The following XKR7 variants were observed in gnomAD, a reference collection of about 807,000 sequenced individuals.
The protein encoded by XKR7 is XK-related protein 7.
In XKR7, 11 loss-of-function variants were observed where a neutral mutation model predicts 42.2. That is an observed-to-expected ratio of 0.26 (90% CI 0.16 to 0.43). The LOEUF (loss-of-function observed/expected upper bound fraction) is 0.43, where lower values mean the gene tolerates loss of function less well. XKR7 is among the 20% of genes least tolerant of loss of function. The pLI is 1.00. For synonymous variants in XKR7, 346 were observed against 366.4 expected (o/e 0.94, Z 0.64); for missense variants, 710 against 802.2 (o/e 0.89, Z 1.39).
intron 1 of XKR7, among the ~76,000 whole-genome samples, chr20:31,988,325 C>T (rs1007504085): frequency 4.6e-5 from 7 of 152,090 alleles, no homozygotes; most frequent in Admixed American, 2.6e-4. Flanking sequence ...GGAAATTTCC[C>T]GTGAGGAGGG....
chr20:31,984,073 C>G (rs2064526128), intron 1 of XKR7, among the ~76,000 whole-genome samples: 3 of 151,960 alleles, frequency 2.0e-5, no homozygotes, highest in Admixed American at 2.0e-4. Flanking sequence ...ACCAGCCTGA[C>G]CAACATGGTG....
chr20:31,977,601 A>G (rs2122255525), intron 1 of XKR7, among the ~76,000 whole-genome samples: 1 of 152,296 alleles, frequency 6.6e-6, no homozygotes, highest in African/African-American at 2.4e-5. Flanking sequence ...TACAATGACT[A>G]TTATTATTGG....
At position 31,995,864 on chromosome 20, in the gene XKR7, C is replaced by T. The variant is rs118067126; in HGVS notation, c.787+594C>T. 1.1e-3 allele frequency among the ~76,000 whole-genome samples: 170 copies of T among 152,122 alleles called. 2 individuals carry two copies. The East Asian group carries it at 0.028, about 25-fold the overall frequency. On this transcript the variant is annotated intron_variant, in intron 2 of 2. Transcript: ENST00000562532. This position sits in a 1 kb window ranked among gnomAD's most constrained non-coding sequence, Gnocchi z 4.1. Reference sequence around the variant, plus strand: ...CAATATCAGAGAAAAACCGCATCCCCCTGTCTCCCTGAAGCACTCCGTGCT... The same window carrying T: ...CAATATCAGAGAAAAACCGCATCCCTCTGTCTCCCTGAAGCACTCCGTGCT...
chr20:31,991,844 G>A (rs575235225), intron 1 of XKR7, among the ~76,000 whole-genome samples: 3 of 152,198 alleles, frequency 2.0e-5, no homozygotes, highest in African/African-American at 4.8e-5. Context: ...CAGGCCAGGC[G>A]TGGTGGCCCA....
Position 31,997,004 on chromosome 20 carries a change from ATTC to A in XKR7, c.1291_1293del (p.Phe431del). The stretch of plus-strand genomic sequence containing the variant: ...TGGCCTCCAGCTTTGCGCTGGGCAT[ATTC>A]TTCATGTGTGTCTACTACTGTCTCC... On this transcript the variant is annotated inframe_deletion, in exon 3 of 3. Transcript: ENST00000562532. 1 of 1,614,048 alleles carries A rather than the reference ATTC, an allele frequency of 6.2e-7. No individual in the cohort carries two copies. The highest frequency in any genetic ancestry group is 8.5e-7 in the Non-Finnish European group (1 of 1,180,034).
Position 31,995,191 on chromosome 20 carries a change from C to A in XKR7, c.708C>A (p.Thr236=). Residue 236 remains threonine (T), a synonymous_variant, in exon 2 of 3, where the codon ACC becomes ACA. Transcript: ENST00000562532. This position sits in a 1 kb window ranked among gnomAD's most constrained non-coding sequence, Gnocchi z 4.1. ...ADVSMLRLLE[T]FLRSAPQLVL... is the part of the protein sequence containing the mutation. ...TGAGCATGCTGCGCTTGCTGGAGAC[C>A]TTCCTGCGCAGCGCGCCGCAGCTAG... 1 of 1,548,522 alleles carries A rather than the reference C, an allele frequency of 6.5e-7. No homozygotes were observed. The highest frequency in any genetic ancestry group is 8.7e-7 in the Non-Finnish European group (1 of 1,146,664).
chr20:31,996,888 G>C lies in XKR7; in HGVS notation c.1171G>C (p.Val391Leu), dbSNP rs780050226. 2 of 1,613,900 alleles carry C rather than the reference G, an allele frequency of 1.2e-6. No homozygotes were observed. Among genetic ancestry groups the C allele is most frequent in the Non-Finnish European group, 1.7e-6 (2 of 1,180,034 alleles). Reference sequence around the variant, plus strand: ...CCGCATGACCCTCTACCACTGCATCGTCCTGCTGGAGAACGCCGCGCTCAC... The same window carrying C: ...CCGCATGACCCTCTACCACTGCATCCTCCTGCTGGAGAACGCCGCGCTCAC... ...RRRMTLYHCI[V>L]LLENAALTGF... The change falls in exon 3 of 3, where the codon GTC becomes CTC. Residue 391 changes from valine to leucine, a missense_variant. Coordinates refer to ENST00000562532, the MANE Select transcript of XKR7 (RefSeq NM_001011718.2).
rs564657388 is a variant in XKR7 at position 31,997,807 on chromosome 20, G to C, written c.*350G>C. 1.4e-5 allele frequency: 4 copies of C among 288,274 alleles called. No individual in the cohort carries two copies. In the South Asian group the frequency reaches 2.2e-4, roughly 16 times the overall value. The allele number at this position is 288,274 out of a possible 1,614,324, so 17.9% of individuals were successfully genotyped here. ...CCCCTGCTGGACTTGCCAGAGAAAGGGCACTGTCTGGGGTCCATGACCTAG... is the reference window on the plus strand; with the variant it reads ...CCCCTGCTGGACTTGCCAGAGAAAGCGCACTGTCTGGGGTCCATGACCTAG... On this transcript the variant is annotated 3_prime_UTR_variant, in exon 3 of 3. Transcript: ENST00000562532.
intron 1 of XKR7, among the ~76,000 whole-genome samples, chr20:31,989,068 C>A (rs530209767): frequency 6.6e-6 from 1 of 152,048 alleles, no homozygotes; most frequent in Admixed American, 6.5e-5. Context: ...AATAAATAAA[C>A]GGTGATTTCA....
At chr20:31,996,096 C>T (rs1464490075) in intron 2 of XKR7, among the ~76,000 whole-genome samples, 2 of 151,846 alleles carry the variant, frequency 1.3e-5, no homozygotes, top group Non-Finnish European at 2.9e-5. Context: ...TGGCCCACGA[C>T]TTCTAATGGC....
At position 31,995,225 on chromosome 20, in the gene XKR7, C is replaced by T. The variant is rs1444647760; in HGVS notation, c.742C>T (p.Leu248Phe). The T allele has an allele frequency of 6.5e-7, 1 of 1,543,390 alleles. No individual in the cohort carries two copies. The highest frequency in any genetic ancestry group is 1.2e-5 in the South Asian group (1 of 83,862). Residue 248 changes from leucine (L) to phenylalanine (F), a missense_variant, in exon 2 of 3, where the codon CTC becomes TTC. By Grantham distance (22) the Leu-to-Phe change is conservative. This residue lies in a region of XKR7 where 708 missense variants were observed against 786.2 expected (regional missense o/e 0.90). Coordinates refer to ENST00000562532, the MANE Select transcript of XKR7 (RefSeq NM_001011718.2). This position sits in a 1 kb window ranked among gnomAD's most constrained non-coding sequence, Gnocchi z 4.1. Reference sequence around the variant, plus strand: ...CAGCGCGCCGCAGCTAGTGCTGCAGCTCAGCCTGCTGGTGCACCGCGGTGG... The same window carrying T: ...CAGCGCGCCGCAGCTAGTGCTGCAGTTCAGCCTGCTGGTGCACCGCGGTGG... ...LRSAPQLVLQ[L>F]SLLVHRGGAP...
chr20:31,984,091 G>A (rs1165845618), intron 1 of XKR7, among the ~76,000 whole-genome samples: 1 of 151,726 alleles, frequency 6.6e-6, no homozygotes, highest in Admixed American at 6.6e-5. Context: ...GTGAAACCCT[G>A]TCTCTACTAA....
intron 1 of XKR7, among the ~76,000 whole-genome samples, chr20:31,979,884 C>T (rs2064503449): frequency 6.6e-6 from 1 of 152,098 alleles, no homozygotes; most frequent in Non-Finnish European, 1.5e-5. Flanking sequence ...TCTCTGCACC[C>T]ATTTCACAGA....
chr20:31,983,906 CT>C (rs1162912207), intron 1 of XKR7, among the ~76,000 whole-genome samples: 4 of 151,892 alleles, frequency 2.6e-5, no homozygotes, highest in Non-Finnish European at 5.9e-5. Context: ...CAAGATCGTG[CT>C]ATTGCACTCC....
rs1164905520 is a variant in XKR7 at position 31,999,594 on chromosome 20, C to A, written c.*2137C>A. The A allele has an allele frequency of 6.6e-6, 1 of 152,206 alleles. No homozygotes were observed. The highest frequency in any genetic ancestry group is 1.5e-5 in the Non-Finnish European group (1 of 68,038). 9.4% of individuals were successfully genotyped at this position (152,206 alleles called of 1,614,324 possible). ...CAAATCCATCTTTGGAGGCTGAATT[C>A]ACACACAAAGCCGTTGTGAGATGGG... On this transcript the variant is annotated 3_prime_UTR_variant, in exon 3 of 3. Transcript: ENST00000562532.
chr20:31,974,296 G>T (rs950606636), intron 1 of XKR7, among the ~76,000 whole-genome samples: 2 of 152,184 alleles, frequency 1.3e-5, no homozygotes, highest in Non-Finnish European at 2.9e-5. Context: ...AGAGACAATG[G>T]AGACTGGATC....
At chr20:31,984,876 T>C (rs534674279) in intron 1 of XKR7, among the ~76,000 whole-genome samples, 1 of 152,302 alleles carries the variant, frequency 6.6e-6, no homozygotes, top group South Asian at 2.1e-4. Context: ...GAGTCCTAGA[T>C]CTGGCACTAA....
chr20:31,991,860 G>A (rs1488846964), intron 1 of XKR7, among the ~76,000 whole-genome samples: 2 of 152,216 alleles, frequency 1.3e-5, no homozygotes, highest in Admixed American at 6.5e-5. Context: ...GCCCACACCT[G>A]TTATCCCAGC....
rs1372453993 is a variant in XKR7 at position 31,995,667 on chromosome 20, G to A, written c.787+397G>A. 1.3e-5 allele frequency among the ~76,000 whole-genome samples: 2 copies of A among 151,820 alleles called. No individual in the cohort carries two copies. The highest frequency in any genetic ancestry group is 2.4e-5 in the African/African-American group (1 of 41,328). ...CTGATCCCAGCCTGCATCTCCTGGG[G>A]ACCCCCTGCCTCATAGACCTGGCCA... On this transcript the variant is annotated intron_variant, in intron 2 of 2. Coordinates refer to ENST00000562532, the MANE Select transcript of XKR7 (RefSeq NM_001011718.2). This position sits in a 1 kb window ranked among gnomAD's most constrained non-coding sequence, Gnocchi z 4.1.
Sources: gnomAD v4.1 joint callset for allele counts (sites outside exome capture counted in the v4.1 genomes callset) on GRCh38, gnomAD v4.1.1 for gene constraint, gnomAD v4.1.1 regional missense constraint, Gnocchi (gnomAD v3.1) non-coding constraint, MANE v1.5 for transcripts, NCBI Gene and HGNC (gene_info 2026-07-23, HGNC 2026-07-21) for gene names.